The following CSMD1 variants were observed in gnomAD, a reference collection of about 807,000 sequenced individuals.
CSMD1 encodes the protein CUB and sushi domain-containing protein 1.
Under a neutral mutation model 417.5 loss-of-function variants are expected in CSMD1, and 213 were observed. That is an observed-to-expected ratio of 0.51 (90% CI 0.46 to 0.57). The LOEUF is 0.57. Among genes scored for constraint, CSMD1 ranks in the 20% least tolerant of loss-of-function variants. The pLI is 0.00. For missense variants in CSMD1, 6,923 were observed against 4,529.7 expected (o/e 1.53, Z -15.17); for synonymous variants, 2,862 against 1,736.8 (o/e 1.65, Z -16.11).
At chr8:4,668,445 T>TATC (rs1441439377) in intron 1 of CSMD1, among the ~76,000 whole-genome samples, 54 of 146,298 alleles carry the variant, frequency 3.7e-4, no homozygotes, top group African/African-American at 1.2e-3. Context: ...TTATTATTAT[T>TATC]ATTATTATTA....
intron 21 of CSMD1, among the ~76,000 whole-genome samples, chr8:3,355,613 A>G (rs1184663298): frequency 6.6e-6 from 1 of 152,188 alleles, no homozygotes; most frequent in Non-Finnish European, 1.5e-5. Context: ...ATGTGGGGCT[A>G]CAGCACTGTA....
Position 2,942,204 on chromosome 8 carries a change from G to C in CSMD1, c.10535+268C>G, listed in dbSNP as rs953818810. 4.6e-5 allele frequency among the ~76,000 whole-genome samples: 7 copies of C among 152,174 alleles called. No homozygotes were observed. In the East Asian group the frequency reaches 1.2e-3, roughly 25 times the overall value. On this transcript the variant is annotated intron_variant, in intron 69 of 69. Coordinates refer to ENST00000635120, the MANE Select transcript of CSMD1 (RefSeq NM_033225.6). ...CTGGAGGGAGGGAGAGCATCAAGAA[G>C]AACAGCTGATGGGTGCTGGGCTGAA...
intron 5 of CSMD1, among the ~76,000 whole-genome samples, chr8:3,885,803 A>T (rs185215067): frequency 1.3e-5 from 2 of 152,168 alleles, no homozygotes; most frequent in Non-Finnish European, 2.9e-5. Context: ...TTTCTTAAAC[A>T]ATCAGTTCTA....
intron 7 of CSMD1, among the ~76,000 whole-genome samples, chr8:3,693,527 T>C (rs1156670392): frequency 6.6e-6 from 1 of 152,202 alleles, no homozygotes; most frequent in Non-Finnish European, 1.5e-5. Flanking sequence ...TTATCCATTA[T>C]ACATATCGTT....
At chr8:3,048,252 T>C (rs931711067) in intron 50 of CSMD1, among the ~76,000 whole-genome samples, 2 of 152,190 alleles carry the variant, frequency 1.3e-5, no homozygotes, top group African/African-American at 4.8e-5. Context: ...CTGGGAGATG[T>C]TATTTTAATT....
intron 3 of CSMD1, among the ~76,000 whole-genome samples, chr8:4,405,110 C>G (rs892935244): frequency 6.6e-6 from 1 of 152,200 alleles, no homozygotes; most frequent in East Asian, 1.9e-4. Context: ...GATTTTCAGA[C>G]TATTGCCTTA....
chr8:3,105,056 A>C (rs1471854665), intron 46 of CSMD1, among the ~76,000 whole-genome samples: 1 of 152,246 alleles, frequency 6.6e-6, no homozygotes, highest in African/African-American at 2.4e-5. Flanking sequence ...GCATCTGCAA[A>C]ACCACTGCGA....
intron 5 of CSMD1, among the ~76,000 whole-genome samples, chr8:3,957,694 AAGAAG>A (rs910264267): frequency 2.0e-5 from 3 of 146,380 alleles, no homozygotes; most frequent in African/African-American, 7.5e-5. Context: ...TCGGAAAAAA[AAGAAG>A]AGAAGAGGAA....
At chr8:4,108,426 A>G (rs972866474) in intron 3 of CSMD1, among the ~76,000 whole-genome samples, 4 of 152,194 alleles carry the variant, frequency 2.6e-5, no homozygotes, top group African/African-American at 9.6e-5. Context: ...AGTGACTGCC[A>G]TGTTGTTCAT....
intron 1 of CSMD1, among the ~76,000 whole-genome samples, chr8:4,989,312 G>C (rs1041537062): frequency 1.3e-5 from 2 of 152,058 alleles, no homozygotes; most frequent in Admixed American, 6.6e-5. Flanking sequence ...GGTTGCTGTG[G>C]TGGCTGTGCC....
chr8:4,085,419 G>A (rs1171173859), intron 3 of CSMD1, among the ~76,000 whole-genome samples: 1 of 152,202 alleles, frequency 6.6e-6, no homozygotes, highest in South Asian at 2.1e-4. Context: ...ACATTGTGGT[G>A]ATTTTGATTA....
intron 3 of CSMD1, among the ~76,000 whole-genome samples, chr8:4,389,692 T>A (rs1395769029): frequency 6.6e-6 from 1 of 152,164 alleles, no homozygotes; most frequent in Non-Finnish European, 1.5e-5. Flanking sequence ...GGTAAACACA[T>A]TCTAAGATTT....
At chr8:3,875,152 G>A (rs1805732242) in intron 5 of CSMD1, among the ~76,000 whole-genome samples, 1 of 152,130 alleles carries the variant, frequency 6.6e-6, no homozygotes, top group Non-Finnish European at 1.5e-5. Flanking sequence ...GATGTAAAAT[G>A]CGACACTGGG....
At position 4,983,373 on chromosome 8, in the gene CSMD1, T is replaced by G. The variant is rs181238104; in HGVS notation, c.85+10959A>C. ...AAGTATATTACATAGACTGAGAACA[T>G]TTATTTATTTATTAAAGAAACAGTG... On this transcript the variant is annotated intron_variant, in intron 1 of 69. Transcript: ENST00000635120. Among the ~76,000 whole-genome samples the G allele has an allele frequency of 2.6e-3, 401 of 152,278 alleles. 3 individuals carry two copies. Among genetic ancestry groups the G allele is most frequent in the Non-Finnish European group, 4.2e-3 (285 of 68,018 alleles).
chr8:4,767,286 G>A (rs527808334), intron 1 of CSMD1, among the ~76,000 whole-genome samples: 2 of 152,292 alleles, frequency 1.3e-5, no homozygotes, highest in African/African-American at 4.8e-5. Flanking sequence ...ATTAAAACAA[G>A]TAGAGTTGAC....
Position 2,962,638 on chromosome 8 carries a change from A to G in CSMD1, c.9456T>C (p.Pro3152=), listed in dbSNP as rs749903673. ...VWKGEIPQCL[P]VFCGDPGIPA... is the part of the protein sequence containing the mutation. Reference sequence around the variant, plus strand: ...GGATGCCAGGGTCTCCGCAGAACACAGCTATGGAAGATAACCAGGAAGAAG... The same window carrying G: ...GGATGCCAGGGTCTCCGCAGAACACGGCTATGGAAGATAACCAGGAAGAAG... Residue 3152 remains proline (P), a splice_region_variant and synonymous_variant, in exon 61 of 70, where the codon CCT becomes CCC. Coordinates refer to ENST00000635120, the MANE Select transcript of CSMD1 (RefSeq NM_033225.6). 2.5e-6 allele frequency: 4 copies of G among 1,612,670 alleles called. No individual in the cohort carries two copies. In the East Asian group the frequency reaches 6.7e-5, roughly 27 times the overall value.
intron 1 of CSMD1, among the ~76,000 whole-genome samples, chr8:4,881,330 ATAAC>A (rs1352308693): frequency 6.6e-6 from 1 of 152,076 alleles, no homozygotes; most frequent in Non-Finnish European, 1.5e-5. Context: ...TGAATACATA[ATAAC>A]TAATATACTA....
intron 3 of CSMD1, among the ~76,000 whole-genome samples, chr8:4,329,871 CACAG>C (rs772902352): frequency 2.8e-5 from 4 of 142,912 alleles, no homozygotes; most frequent in South Asian, 4.7e-4. Flanking sequence ...CACACACACA[CACAG>C]ACACACACAC....
intron 3 of CSMD1, among the ~76,000 whole-genome samples, chr8:4,206,366 C>T (rs868370906): frequency 6.6e-6 from 1 of 152,030 alleles, no homozygotes; most frequent in Non-Finnish European, 1.5e-5. Flanking sequence ...CACCACAGGC[C>T]CCGGTATGTC....
Sources: allele counts gnomAD v4.1 joint callset (sites outside exome capture counted in the v4.1 genomes callset), GRCh38; gene constraint gnomAD v4.1.1; transcripts MANE v1.5; gene names NCBI Gene and HGNC (gene_info 2026-07-23, HGNC 2026-07-21).